The following MCMDC2 variants were observed in gnomAD, a reference collection of about 807,000 sequenced individuals.
The protein encoded by MCMDC2 is minichromosome maintenance domain-containing protein 2.
Under a neutral mutation model 75.8 loss-of-function variants are expected in MCMDC2, and 54 were observed. The ratio of observed to expected loss-of-function variants is 0.71; its 90% confidence interval spans 0.57 to 0.89. The LOEUF is 0.89. MCMDC2 is among the 40% of genes least tolerant of loss of function. MCMDC2 has a pLI of 0.00. For synonymous variants in MCMDC2, 249 were observed against 274.6 expected, an observed-to-expected ratio of 0.91 and a Z score of 0.92; for missense variants, 656 against 780.4, an observed-to-expected ratio of 0.84 and a Z score of 1.90.
intron 14 of MCMDC2, among the ~76,000 whole-genome samples, chr8:66,910,310 C>T (rs1813052532): frequency 6.6e-6 from 1 of 152,156 alleles, no homozygotes; most frequent in Non-Finnish European, 1.5e-5. Flanking sequence ...TCCTCCAGAC[C>T]CCAGAATGGT....
intron 14 of MCMDC2, among the ~76,000 whole-genome samples, chr8:66,910,391 G>C (rs1266229964): frequency 1.3e-5 from 2 of 152,218 alleles, no homozygotes; most frequent in African/African-American, 4.8e-5. Context: ...TGAAAGCAGT[G>C]GGGAGAGGGG....
At chr8:66,911,929 T>C (rs1813138604) in intron 14 of MCMDC2, among the ~76,000 whole-genome samples, 1 of 152,208 alleles carries the variant, frequency 6.6e-6, no homozygotes. Context: ...AATGTTGTTA[T>C]TATGCCTGCT....
At chr8:66,882,782 T>A (rs886177152) in intron 8 of MCMDC2, among the ~76,000 whole-genome samples, 1 of 152,178 alleles carries the variant, frequency 6.6e-6, no homozygotes, top group East Asian at 1.9e-4. Flanking sequence ...GAGAAAAGCT[T>A]CTTAAAAAAA....
intron 12 of MCMDC2, among the ~76,000 whole-genome samples, chr8:66,900,318 A>C (rs1433511184): frequency 2.0e-5 from 3 of 151,258 alleles, no homozygotes; most frequent in Non-Finnish European, 4.4e-5. Flanking sequence ...CGCGCCTATA[A>C]TCCCAGCTAC....
chr8:66,920,610 T>TGTC lies in MCMDC2; in HGVS notation c.*1442_*1444dup, dbSNP rs1813488878. The TGTC allele has an allele frequency of 6.6e-6, 1 of 152,208 alleles. No homozygotes were observed. Among genetic ancestry groups the TGTC allele is most frequent in the South Asian group, 2.1e-4 (1 of 4,834 alleles). The allele number at this position is 152,208 out of a possible 1,614,324, so 9.4% of individuals were successfully genotyped here. On this transcript the variant is annotated 3_prime_UTR_variant, in exon 15 of 15. Transcript: ENST00000422365. ...CTTCTCAAATACTACATTTCAAACA[T>TGTC]GTCTGGCTCTCTATGGGGGGAAGGC...
intron 9 of MCMDC2, among the ~76,000 whole-genome samples, chr8:66,887,590 G>T (rs1381414085): frequency 1.3e-5 from 2 of 151,922 alleles, no homozygotes; most frequent in Non-Finnish European, 2.9e-5. Flanking sequence ...CTATCCCAAG[G>T]TCATGAAGAG....
intron 14 of MCMDC2, among the ~76,000 whole-genome samples, chr8:66,905,574 T>C (rs1812872500): frequency 6.6e-6 from 1 of 152,216 alleles, no homozygotes; most frequent in Non-Finnish European, 1.5e-5. Flanking sequence ...AACATTTGCA[T>C]TGCTTAAAGA....
At chr8:66,904,734 G>C (rs768136239) in intron 13 of MCMDC2, among the ~76,000 whole-genome samples, 1 of 152,100 alleles carries the variant, frequency 6.6e-6, no homozygotes, top group Non-Finnish European at 1.5e-5. Flanking sequence ...TGCTAGGAGA[G>C]GTCCAAAAGA....
chr8:66,878,462 TAAAAGAA>T (rs1180208911), intron 5 of MCMDC2, 105 bp from the exon 6 acceptor site: 3 of 1,026,042 alleles, frequency 2.9e-6, no homozygotes, highest in East Asian at 3.0e-5. Flanking sequence ...GTGTCAGTAA[TAAAAGAA>T]AAAAGAAAAT....
At chr8:66,879,582 G>C (rs1811466143) in intron 7 of MCMDC2, among the ~76,000 whole-genome samples, 1 of 152,048 alleles carries the variant, frequency 6.6e-6, no homozygotes, top group African/African-American at 2.4e-5. Context: ...GACAGAATGG[G>C]ACTCTGTCTC....
In MCMDC2 at chr8:66,876,881, C is replaced by T. The variant is rs922975642; in HGVS notation, c.286-468C>T. ...GTTCATGCCATTCTCCTGCCTTAGC[C>T]TCCCGAGTAGCTGGGACTACAGGCG... On this transcript the variant is annotated intron_variant, in intron 4 of 14. Coordinates refer to ENST00000422365, the MANE Select transcript of MCMDC2 (RefSeq NM_173518.5). 2.0e-5 allele frequency among the ~76,000 whole-genome samples: 3 copies of T among 152,116 alleles called. No individual in the cohort carries two copies. The East Asian group carries it at 5.8e-4, about 29-fold the overall frequency.
intron 14 of MCMDC2, among the ~76,000 whole-genome samples, chr8:66,910,801 C>A (rs1813082486): frequency 6.6e-6 from 1 of 150,864 alleles, no homozygotes; most frequent in African/African-American, 2.4e-5. Flanking sequence ...AAGAGCAAAA[C>A]TCCATCTCAA....
chr8:66,913,488 C>T (rs1472038192), intron 14 of MCMDC2, among the ~76,000 whole-genome samples: 1 of 152,098 alleles, frequency 6.6e-6, no homozygotes, highest in Non-Finnish European at 1.5e-5. Flanking sequence ...TATATGTTCT[C>T]ATAATATGCC....
chr8:66,921,910 CTA>C lies in MCMDC2; in HGVS notation c.*2743_*2744del, dbSNP rs1298574625. 1 of 152,266 alleles carries C rather than the reference CTA, an allele frequency of 6.6e-6. No homozygotes were observed. Among genetic ancestry groups the C allele is most frequent in the African/African-American group, 2.4e-5 (1 of 41,424 alleles). The allele number at this position is 152,266 out of a possible 1,614,324, so 9.4% of individuals were successfully genotyped here. The stretch of plus-strand genomic sequence containing the variant: ...TGTTCAAAACAGGTCTGACTAGTGA[CTA>C]TGAGAATGGAGCTATTTAGAGTTGA... On this transcript the variant is annotated 3_prime_UTR_variant, in exon 15 of 15. Coordinates refer to ENST00000422365, the MANE Select transcript of MCMDC2 (RefSeq NM_173518.5).
chr8:66,883,801 ACTTCCAGCTCATGCTGGAAG>A lies in MCMDC2; in HGVS notation c.881_900del (p.Thr294IlefsTer35), dbSNP rs765630898. On this transcript the variant is annotated frameshift_variant, in exon 9 of 15. Transcript: ENST00000422365. LOFTEE classifies it high-confidence loss of function. ...CAACTTCAGGTGTCTCCTCTCCTTAACTTCCAGCTCATGCTGGAAGTTTACAGCAATACTTGCCAATATCT... is the reference window on the plus strand; with the variant it reads ...CAACTTCAGGTGTCTCCTCTCCTTAATTTACAGCAATACTTGCCAATATCT... 3 of 1,613,486 alleles carry A rather than the reference ACTTCCAGCTCATGCTGGAAG, an allele frequency of 1.9e-6. No homozygotes were observed. Among genetic ancestry groups the A allele is most frequent in the Non-Finnish European group, 2.5e-6 (3 of 1,179,864 alleles).
At chr8:66,886,761 C>A (rs1256410861) in intron 9 of MCMDC2, among the ~76,000 whole-genome samples, 1 of 147,204 alleles carries the variant, frequency 6.8e-6, no homozygotes, top group African/African-American at 2.5e-5. Flanking sequence ...GGCAACAGAG[C>A]AAGACTCAGT....
Position 66,919,754 on chromosome 8 carries a change from T to A in MCMDC2, c.*585T>A, listed in dbSNP as rs1813448179. 6.6e-6 allele frequency: 1 copy of A among 152,168 alleles called. No homozygotes were observed. The highest frequency in any genetic ancestry group is 1.5e-5 in the Non-Finnish European group (1 of 68,042). The allele number at this position is 152,168 out of a possible 1,614,324, so 9.4% of individuals were successfully genotyped here. On this transcript the variant is annotated 3_prime_UTR_variant, in exon 15 of 15. Transcript: ENST00000422365. ...CGGGAAAAGCCTTGGAAGTTTTCCA[T>A]ACGTATACGCTAGGTTAAATGAAAA...
intron 1 of MCMDC2, among the ~76,000 whole-genome samples, chr8:66,871,922 A>G (rs897150606): frequency 7.2e-5 from 11 of 151,782 alleles, no homozygotes; most frequent in African/African-American, 2.7e-4. Context: ...AAATCTGACT[A>G]TAATACTAAC....
intron 7 of MCMDC2, 118 bp downstream of exon 7, chr8:66,879,037 C>A: frequency 1.5e-6 from 1 of 674,600 alleles, no homozygotes; most frequent in Non-Finnish European, 2.6e-6. Context: ...GGGAGGATCA[C>A]TTGAGGCCAG....
Sources: gnomAD v4.1 joint callset for allele counts (sites outside exome capture counted in the v4.1 genomes callset) on GRCh38, gnomAD v4.1.1 for gene constraint, MANE v1.5 for transcripts, NCBI Gene and HGNC (gene_info 2026-07-23, HGNC 2026-07-21) for gene names.